The following PLPPR1 variants were observed in gnomAD, a reference collection of about 807,000 sequenced individuals.
PLPPR1 encodes phospholipid phosphatase-related protein type 1.
Under a neutral mutation model 33.1 loss-of-function variants are expected in PLPPR1, and 10 were observed. The observed-to-expected ratio is 0.30, with a 90% confidence interval of 0.19 to 0.51. The LOEUF (loss-of-function observed/expected upper bound fraction) is 0.51, where lower values mean the gene tolerates loss of function less well. Among genes scored for constraint, PLPPR1 ranks in the 20% least tolerant of loss-of-function variants. The pLI is 0.97. For synonymous variants in PLPPR1, 151 were observed against 151.0 expected (o/e 1.00, Z 0.00); for missense variants, 304 against 408.1 (o/e 0.74, Z 2.20).
intron 2 of PLPPR1, among the ~76,000 whole-genome samples, chr9:101,193,649 T>C (rs944678083): frequency 6.6e-6 from 1 of 152,232 alleles, no homozygotes; most frequent in Non-Finnish European, 1.5e-5. Context: ...ATTTGACATT[T>C]GTATGGTATT....
chr9:101,301,317 T>C (rs1828748484), intron 4 of PLPPR1, among the ~76,000 whole-genome samples: 1 of 152,196 alleles, frequency 6.6e-6, no homozygotes, highest in African/African-American at 2.4e-5. Context: ...TAAAAAATAA[T>C]TTTATAATCA....
At chr9:101,138,718 G>A (rs529695489) in intron 1 of PLPPR1, among the ~76,000 whole-genome samples, 38 of 152,292 alleles carry the variant, frequency 2.5e-4, no homozygotes, top group African/African-American at 8.4e-4. Flanking sequence ...CTGATTTAAT[G>A]CTCACAAAGT....
chr9:101,106,287 C>T (rs959031541), intron 1 of PLPPR1, among the ~76,000 whole-genome samples: 8 of 134,502 alleles, frequency 5.9e-5, no homozygotes, highest in Middle Eastern at 3.7e-3. Context: ...CGGCTGGTAC[C>T]GGTTGTTCCT....
chr9:101,051,846 G>A (rs1830227197), intron 1 of PLPPR1, among the ~76,000 whole-genome samples: 1 of 152,094 alleles, frequency 6.6e-6, no homozygotes, highest in African/African-American at 2.4e-5. Flanking sequence ...ATTTTAACGT[G>A]TATCCTTGCA....
chr9:101,129,035 G>T (rs1473658132), intron 1 of PLPPR1, among the ~76,000 whole-genome samples: 1 of 152,006 alleles, frequency 6.6e-6, no homozygotes, highest in Non-Finnish European at 1.5e-5. Flanking sequence ...CATAGATATA[G>T]ATATACATCT....
At chr9:101,032,174 G>A (rs534242035) in intron 1 of PLPPR1, among the ~76,000 whole-genome samples, 1 of 152,306 alleles carries the variant, frequency 6.6e-6, no homozygotes, top group Non-Finnish European at 1.5e-5. Flanking sequence ...GACATAAGCA[G>A]CAATCAAGTG....
At chr9:101,316,854 G>C (rs143472002) in intron 6 of PLPPR1, among the ~76,000 whole-genome samples, 134 of 152,174 alleles carry the variant, frequency 8.8e-4, no homozygotes, top group African/African-American at 3.1e-3. Context: ...ACTTTTTAAG[G>C]GGCAAAATAG....
At chr9:101,150,662 G>T (rs1831570994) in intron 1 of PLPPR1, among the ~76,000 whole-genome samples, 1 of 152,132 alleles carries the variant, frequency 6.6e-6, no homozygotes, top group Non-Finnish European at 1.5e-5. Flanking sequence ...ATGATCTGGG[G>T]ATGGCTGCCT....
At chr9:101,173,346 A>G (rs1564165577) in intron 1 of PLPPR1, among the ~76,000 whole-genome samples, 2 of 152,112 alleles carry the variant, frequency 1.3e-5, no homozygotes, top group Non-Finnish European at 2.9e-5. Flanking sequence ...GTATTTTTAC[A>G]TATTTTTCAT....
chr9:101,272,548 G>A (rs559809705), intron 3 of PLPPR1, among the ~76,000 whole-genome samples: 12 of 152,054 alleles, frequency 7.9e-5, no homozygotes, highest in Non-Finnish European at 1.6e-4. Context: ...AGTAAAGACT[G>A]CAAAAAAGTT....
chr9:101,076,154 C>G (rs1000862975), intron 1 of PLPPR1, among the ~76,000 whole-genome samples: 1 of 152,066 alleles, frequency 6.6e-6, no homozygotes, highest in African/African-American at 2.4e-5. Flanking sequence ...CACCCCAGAC[C>G]TCCTGAATCA....
intron 1 of PLPPR1, among the ~76,000 whole-genome samples, chr9:101,098,612 G>C (rs35240162): frequency 0.054 from 8,289 of 152,160 alleles, 386 homozygotes; most frequent in Non-Finnish European, 0.07. Context: ...GAAGAGAAAG[G>C]GAAATGAAGT....
chr9:101,046,435 CTT>C (rs527884198), intron 1 of PLPPR1, among the ~76,000 whole-genome samples: 171 of 116,728 alleles, frequency 1.5e-3, no homozygotes, highest in African/African-American at 5.6e-3. Context: ...CTCTTTTATT[CTT>C]TTTTTTTTTT....
intron 3 of PLPPR1, among the ~76,000 whole-genome samples, chr9:101,282,116 C>T (rs1828314806): frequency 6.6e-6 from 1 of 152,068 alleles, no homozygotes; most frequent in African/African-American, 2.4e-5. Context: ...GAGAAGGACA[C>T]AACAACACAG....
At chr9:101,092,056 C>A (rs1255612501) in intron 1 of PLPPR1, among the ~76,000 whole-genome samples, 1 of 152,134 alleles carries the variant, frequency 6.6e-6, no homozygotes, top group African/African-American at 2.4e-5. Flanking sequence ...TCCTTGCACC[C>A]TTTATTTCAG....
At chr9:101,128,451 C>A (rs1831273871) in intron 1 of PLPPR1, among the ~76,000 whole-genome samples, 1 of 152,098 alleles carries the variant, frequency 6.6e-6, no homozygotes, top group African/African-American at 2.4e-5. Context: ...ATATTTGAAC[C>A]AATCTATGGC....
At chr9:101,083,737 C>T (rs1830647356) in intron 1 of PLPPR1, among the ~76,000 whole-genome samples, 1 of 152,182 alleles carries the variant, frequency 6.6e-6, no homozygotes. Context: ...TTGAGGAATG[C>T]CGCATTGAAT....
chr9:101,076,317 G>A (rs527592183), intron 1 of PLPPR1, among the ~76,000 whole-genome samples: 1 of 152,216 alleles, frequency 6.6e-6, no homozygotes, highest in African/African-American at 2.4e-5. Context: ...TCAAGCAAAA[G>A]ACTGAAATAA....
intron 1 of PLPPR1, among the ~76,000 whole-genome samples, chr9:101,149,167 A>G (rs781493770): frequency 8.5e-5 from 13 of 152,218 alleles, no homozygotes; most frequent in Non-Finnish European, 1.5e-4. Flanking sequence ...AGATAGTGGG[A>G]AAACACTGTT....
Sources: allele counts gnomAD v4.1 joint callset (sites outside exome capture counted in the v4.1 genomes callset), GRCh38; gene constraint gnomAD v4.1.1; transcripts MANE v1.5; gene names NCBI Gene and HGNC (gene_info 2026-07-23, HGNC 2026-07-21).